CWF19L2: variants seen among roughly 807,000 people sequenced by gnomAD.
CWF19L2 encodes the protein CWF19 like cell cycle control factor 2, also known as CWF19-like protein 2.
CWF19L2 carries 98 observed loss-of-function variants against 111.7 expected under a neutral mutation model. The observed-to-expected ratio is 0.88, with a 90% CI of 0.75 to 1.04. The LOEUF (loss-of-function observed/expected upper bound fraction) is 1.04, where lower values mean the gene tolerates loss of function less well. Among genes scored for constraint, CWF19L2 ranks in the 50% least tolerant of loss-of-function variants. CWF19L2 has a pLI of 0.00. For synonymous variants in CWF19L2, 351 were observed against 342.9 expected (o/e 1.02, Z -0.26); for missense variants, 1,101 against 1,051.4 (o/e 1.05, Z -0.65).
At chr11:107,333,282 T>C (rs563399130) in intron 16 of CWF19L2, among the ~76,000 whole-genome samples, 2 of 152,316 alleles carry the variant, frequency 1.3e-5, no homozygotes, top group South Asian at 2.1e-4. Flanking sequence ...TGTTTCATAA[T>C]GTTAAGTTAA....
chr11:107,432,373 C>G (rs1861476701), intron 7 of CWF19L2, among the ~76,000 whole-genome samples: 1 of 152,112 alleles, frequency 6.6e-6, no homozygotes, highest in South Asian at 2.1e-4. Flanking sequence ...GTCAGGAGTT[C>G]AAGACCAGCC....
At chr11:107,327,112 G>T (rs1362144596) in intron 17 of CWF19L2, 59 bp from the exon 18 acceptor site, 4 of 1,396,006 alleles carry the variant, frequency 2.9e-6, no homozygotes, top group Admixed American at 2.5e-5. Context: ...AAACAGAAAT[G>T]AAACTATTTC....
At chr11:107,397,856 C>G (rs79177022) in intron 10 of CWF19L2, among the ~76,000 whole-genome samples, 1 of 105,504 alleles carries the variant, frequency 9.5e-6, no homozygotes, top group Admixed American at 8.5e-5. Flanking sequence ...TCTGTGAAAA[C>G]CCCCCGTACC....
intron 15 of CWF19L2, among the ~76,000 whole-genome samples, chr11:107,336,150 G>A (rs1859920380): frequency 6.6e-6 from 1 of 152,016 alleles, no homozygotes; most frequent in Non-Finnish European, 1.5e-5. Context: ...GAATCCAGGA[G>A]GCAGAAGTTG....
At chr11:107,359,414 T>C (rs565861509) in intron 12 of CWF19L2, among the ~76,000 whole-genome samples, 1 of 152,306 alleles carries the variant, frequency 6.6e-6, no homozygotes, top group African/African-American at 2.4e-5. Flanking sequence ...CTATCCCTTG[T>C]AGGGCTGGGC....
At chr11:107,424,245 C>A (rs1452858712) in intron 8 of CWF19L2, among the ~76,000 whole-genome samples, 2 of 151,378 alleles carry the variant, frequency 1.3e-5, no homozygotes, top group Non-Finnish European at 3.0e-5. Flanking sequence ...CTGAAATGGA[C>A]CCCACACTCA....
At chr11:107,455,241 G>GTA (rs2135433076) in intron 2 of CWF19L2, among the ~76,000 whole-genome samples, 1 of 151,854 alleles carries the variant, frequency 6.6e-6, no homozygotes, top group South Asian at 2.1e-4. Context: ...TTTCTATAAT[G>GTA]TATACATAGA....
chr11:107,360,873 G>C (rs146688586), intron 12 of CWF19L2, among the ~76,000 whole-genome samples: 1 of 152,192 alleles, frequency 6.6e-6, no homozygotes, highest in Admixed American at 6.5e-5. Flanking sequence ...GTATATTCTT[G>C]GATATTAGAC....
intron 10 of CWF19L2, among the ~76,000 whole-genome samples, chr11:107,402,405 A>C (rs1311564115): frequency 1.3e-5 from 2 of 152,018 alleles, no homozygotes; most frequent in South Asian, 4.1e-4. Flanking sequence ...AAAACTCATC[A>C]AAAAGTGGGC....
intron 14 of CWF19L2, among the ~76,000 whole-genome samples, chr11:107,347,027 GA>G (rs1430281188): frequency 2.0e-5 from 3 of 152,110 alleles, no homozygotes; most frequent in African/African-American, 7.2e-5. Flanking sequence ...ACCAACTTGG[GA>G]TATTTTTTAA....
At chr11:107,404,798 G>A (rs188526728) in intron 10 of CWF19L2, among the ~76,000 whole-genome samples, 114 of 152,248 alleles carry the variant, frequency 7.5e-4, no homozygotes, top group African/African-American at 2.6e-3. Context: ...GCCTCAGACA[G>A]GTTCATTATA....
At chr11:107,364,681 G>A (rs1197494762) in intron 12 of CWF19L2, among the ~76,000 whole-genome samples, 1 of 120,088 alleles carries the variant, frequency 8.3e-6, no homozygotes, top group Non-Finnish European at 1.7e-5. Flanking sequence ...GCAGTGTGTA[G>A]AGGGAAATTT....
chr11:107,327,233 C>T (rs1050424760), intron 17 of CWF19L2, among the ~76,000 whole-genome samples, 180 bp from the exon 18 acceptor site: 6 of 151,988 alleles, frequency 3.9e-5, no homozygotes, highest in Non-Finnish European at 8.8e-5. Flanking sequence ...CTAGGCAAAC[C>T]GTGTGATTCT....
chr11:107,394,423 T>G (rs1454652794), intron 10 of CWF19L2, among the ~76,000 whole-genome samples: 2 of 152,174 alleles, frequency 1.3e-5, no homozygotes, highest in Non-Finnish European at 2.9e-5. Context: ...CCTAAGGACT[T>G]TCAAAATACT....
chr11:107,436,103 G>A lies in CWF19L2; in HGVS notation c.665-2354C>T, dbSNP rs370019910. On this transcript the variant is annotated intron_variant, in intron 6 of 17. Coordinates refer to ENST00000282251, the MANE Select transcript of CWF19L2 (RefSeq NM_152434.3). ...CAGGAGGCAGAGGCTGCAGTGAGCC[G>A]AGATTGCACCACTGCACTCCAGCCT... Among the ~76,000 whole-genome samples, 86 of 150,348 alleles carry A rather than the reference G, an allele frequency of 5.7e-4. 1 individual carries two copies. The East Asian group carries it at 0.014, about 25-fold the overall frequency.
At position 107,386,321 on chromosome 11, in the gene CWF19L2, T is replaced by C. The variant is rs545274974; in HGVS notation, c.1872+3753A>G. 1.5e-3 allele frequency among the ~76,000 whole-genome samples: 223 copies of C among 152,274 alleles called. 1 individual carries two copies. The highest frequency in any genetic ancestry group is 3.7e-3 in the South Asian group (18 of 4,828). On this transcript the variant is annotated intron_variant, in intron 12 of 17. Coordinates refer to ENST00000282251, the MANE Select transcript of CWF19L2 (RefSeq NM_152434.3). ...GAGCCGCCACTCCTGTTCATTTTTC[T>C]ACTACCAAATTTAAGAACCTACCTA...
At chr11:107,357,324 T>C (rs1860253211) in intron 12 of CWF19L2, among the ~76,000 whole-genome samples, 1 of 152,192 alleles carries the variant, frequency 6.6e-6, no homozygotes, top group Non-Finnish European at 1.5e-5. Context: ...CAAATCAAGT[T>C]AAGGTACTTA....
intron 3 of CWF19L2, among the ~76,000 whole-genome samples, chr11:107,452,511 A>C (rs1200330896): frequency 1.3e-5 from 2 of 152,240 alleles, no homozygotes. Flanking sequence ...GGATTGAAAG[A>C]ATATTTTAAC....
intron 10 of CWF19L2, among the ~76,000 whole-genome samples, chr11:107,411,089 G>A (rs1056752251): frequency 3.4e-5 from 5 of 148,692 alleles, no homozygotes; most frequent in African/African-American, 1.2e-4. Context: ...GCGCGTGCGT[G>A]CACACACACA....
Sources: allele counts gnomAD v4.1 joint callset (sites outside exome capture counted in the v4.1 genomes callset), GRCh38; gene constraint gnomAD v4.1.1; transcripts MANE v1.5; gene names NCBI Gene and HGNC (gene_info 2026-07-23, HGNC 2026-07-21).